The following RAP1GDS1 variants were observed in gnomAD, a reference collection of about 807,000 sequenced individuals.
The protein encoded by RAP1GDS1 is Rap1 GTPase-GDP dissociation stimulator 1, also known as RAP1, GTP-GDP dissociation stimulator 1.
Under a neutral mutation model 71.1 loss-of-function variants are expected in RAP1GDS1, and 35 were observed. The ratio of observed to expected loss-of-function variants is 0.49; its 90% confidence interval spans 0.38 to 0.65. The LOEUF is 0.65. Ranked by LOEUF, RAP1GDS1 falls within the 30% of genes least tolerant of loss-of-function variation. The pLI is 0.00. For synonymous variants in RAP1GDS1, 229 were observed against 243.1 expected (o/e 0.94, Z 0.54); for missense variants, 663 against 706.1 (o/e 0.94, Z 0.69).
intron 2 of RAP1GDS1, among the ~76,000 whole-genome samples, chr4:98,299,257 A>G (rs1157173714): frequency 6.6e-6 from 1 of 152,182 alleles, no homozygotes; most frequent in Non-Finnish European, 1.5e-5. Context: ...TTATGTCTGC[A>G]TAGTATTCTA....
At chr4:98,428,501 G>A (rs144486621) in intron 12 of RAP1GDS1, among the ~76,000 whole-genome samples, 1,706 of 152,004 alleles carry the variant, frequency 0.011, 15 homozygotes, top group Non-Finnish European at 0.019. Context: ...AAACAAACTA[G>A]CAAGAAAAAA....
chr4:98,434,403 A>G (rs1371700273), intron 13 of RAP1GDS1, among the ~76,000 whole-genome samples: 1 of 151,700 alleles, frequency 6.6e-6, no homozygotes, highest in Non-Finnish European at 1.5e-5. Context: ...AGAGTCTGCT[A>G]CTCTCCCAGT....
At chr4:98,305,708 G>A (rs2110306161) in intron 2 of RAP1GDS1, among the ~76,000 whole-genome samples, 1 of 152,242 alleles carries the variant, frequency 6.6e-6, no homozygotes, top group African/African-American at 2.4e-5. Flanking sequence ...GGCAAAAAAG[G>A]ACTCTCATGT....
chr4:98,398,638 A>T (rs1170309450), intron 6 of RAP1GDS1, among the ~76,000 whole-genome samples: 1 of 152,162 alleles, frequency 6.6e-6, no homozygotes, highest in East Asian at 1.9e-4. Flanking sequence ...TGGAAAGGAA[A>T]AAGTCAAATT....
At chr4:98,413,445 C>G (rs1747396572) in intron 7 of RAP1GDS1, among the ~76,000 whole-genome samples, 1 of 151,918 alleles carries the variant, frequency 6.6e-6, no homozygotes, top group Non-Finnish European at 1.5e-5. Flanking sequence ...CGTTCAATTC[C>G]CACCTATGAG....
intron 14 of RAP1GDS1, among the ~76,000 whole-genome samples, chr4:98,440,379 A>G (rs867889861): frequency 5.3e-5 from 8 of 152,144 alleles, no homozygotes; most frequent in Admixed American, 3.9e-4. Context: ...TGGTCATTCA[A>G]TGTTTAATTT....
chr4:98,302,557 A>G (rs867948575), intron 2 of RAP1GDS1, among the ~76,000 whole-genome samples: 1 of 152,232 alleles, frequency 6.6e-6, no homozygotes, highest in Non-Finnish European at 1.5e-5. Flanking sequence ...CAGAGATAGT[A>G]TTTAAAAGTA....
intron 2 of RAP1GDS1, among the ~76,000 whole-genome samples, chr4:98,312,152 A>G (rs62321485): frequency 0.022 from 3,387 of 152,244 alleles, 68 homozygotes; most frequent in Middle Eastern, 0.051. Flanking sequence ...TTAGCTCACT[A>G]TTCTCAGGGC....
intron 4 of RAP1GDS1, among the ~76,000 whole-genome samples, chr4:98,375,704 AATC>A (rs1741073208): frequency 2.0e-5 from 3 of 152,176 alleles, no homozygotes; most frequent in Non-Finnish European, 1.5e-5. Flanking sequence ...TCACTCTCAC[AATC>A]ATCCATCCTC....
intron 14 of RAP1GDS1, among the ~76,000 whole-genome samples, chr4:98,440,026 C>T (rs948680641): frequency 1.3e-5 from 2 of 152,184 alleles, no homozygotes; most frequent in African/African-American, 4.8e-5. Context: ...TGGCAATCAC[C>T]ATTTATTTTG....
chr4:98,270,999 A>T (rs1004544841), intron 1 of RAP1GDS1, among the ~76,000 whole-genome samples: 1 of 152,210 alleles, frequency 6.6e-6, no homozygotes, highest in Non-Finnish European at 1.5e-5. Context: ...TGCATATAAC[A>T]TACATAATAT....
intron 4 of RAP1GDS1, among the ~76,000 whole-genome samples, chr4:98,372,594 T>C (rs1471100265): frequency 1.3e-5 from 2 of 152,250 alleles, no homozygotes; most frequent in Non-Finnish European, 2.9e-5. Flanking sequence ...ATCACCTTAC[T>C]GTACAGTTCC....
At chr4:98,295,648 A>C (rs1019466157) in intron 2 of RAP1GDS1, among the ~76,000 whole-genome samples, 1 of 152,130 alleles carries the variant, frequency 6.6e-6, no homozygotes, top group Non-Finnish European at 1.5e-5. Flanking sequence ...CTTGATTTAC[A>C]AAATAAAAAA....
At chr4:98,324,757 T>G (rs1390019750) in intron 2 of RAP1GDS1, among the ~76,000 whole-genome samples, 24 of 145,454 alleles carry the variant, frequency 1.7e-4, no homozygotes, top group Non-Finnish European at 2.9e-4. Context: ...TTACACCTTA[T>G]ACAAAAATCA....
chr4:98,329,804 A>G (rs1733673241), intron 2 of RAP1GDS1, among the ~76,000 whole-genome samples: 1 of 151,544 alleles, frequency 6.6e-6, no homozygotes, highest in East Asian at 1.9e-4. Flanking sequence ...AAAAAAAAAA[A>G]AAAAAAAGTG....
intron 14 of RAP1GDS1, 173 bp from the exon 15 acceptor site, chr4:98,441,817 T>A (rs568328916): frequency 1.8e-4 from 103 of 564,402 alleles, no homozygotes; most frequent in East Asian, 7.3e-4. Flanking sequence ...ATGATTTTTT[T>A]AAATTATAAT....
chr4:98,387,402 GA>G, intron 5 of RAP1GDS1: 2 of 455,464 alleles, frequency 4.4e-6, no homozygotes, highest in Non-Finnish European at 8.8e-6. Flanking sequence ...ACTCAGGGGG[GA>G]AAAGGTTCCT....
At chr4:98,441,953 C>A in intron 14 of RAP1GDS1, 37 bp from the exon 15 acceptor site, 2 of 1,607,048 alleles carry the variant, frequency 1.2e-6, no homozygotes, top group Non-Finnish European at 1.7e-6. Flanking sequence ...TTAGAACAAC[C>A]TAACAGAATC....
chr4:98,278,495 G>A (rs947365871), intron 1 of RAP1GDS1, among the ~76,000 whole-genome samples: 1 of 152,052 alleles, frequency 6.6e-6, no homozygotes. Context: ...GTAGTCAAGA[G>A]CACAGTTAAC....
Sources: allele counts gnomAD v4.1 joint callset (sites outside exome capture counted in the v4.1 genomes callset), GRCh38; gene constraint gnomAD v4.1.1; transcripts MANE v1.5; gene names NCBI Gene and HGNC (gene_info 2026-07-23, HGNC 2026-07-21).